EYA4: variants seen among roughly 807,000 people sequenced by gnomAD.
EYA4 encodes the protein protein phosphatase EYA4.
In EYA4, 31 loss-of-function variants were observed where a neutral mutation model predicts 87.9. The observed-to-expected ratio is 0.35, with a 90% confidence interval of 0.27 to 0.48. EYA4 has a LOEUF of 0.48. Ranked by LOEUF, EYA4 falls within the 20% of genes least tolerant of loss-of-function variation. The pLI is 0.99. For missense variants in EYA4, 678 were observed against 761.4 expected (o/e 0.89, Z 1.29); for synonymous variants, 263 against 270.6 (o/e 0.97, Z 0.28).
intron 2 of EYA4, among the ~76,000 whole-genome samples, chr6:133,374,890 A>AT (rs968036264): frequency 6.6e-6 from 1 of 152,056 alleles, no homozygotes; most frequent in Admixed American, 6.6e-5. Flanking sequence ...TAATAATTGG[A>AT]TTTTTAGAAA....
intron 13 of EYA4, among the ~76,000 whole-genome samples, chr6:133,486,694 T>G (rs1396792681): frequency 1.3e-5 from 2 of 151,538 alleles, no homozygotes; most frequent in Non-Finnish European, 2.9e-5. Context: ...ATTAAGAGAG[T>G]GGGAGAATTG....
chr6:133,384,189 G>A (rs1336425472), intron 3 of EYA4, among the ~76,000 whole-genome samples: 1 of 152,168 alleles, frequency 6.6e-6, no homozygotes, highest in Non-Finnish European at 1.5e-5. Context: ...GTATCAGTAA[G>A]TTGGAGAAGA....
At chr6:133,444,461 CAGG>C (rs1220616902) in intron 3 of EYA4, among the ~76,000 whole-genome samples, 1 of 152,098 alleles carries the variant, frequency 6.6e-6, no homozygotes, top group Admixed American at 6.5e-5. Context: ...ATATTTCCTG[CAGG>C]AGTTTATTTG....
At chr6:133,369,081 C>G (rs1017424241) in intron 2 of EYA4, among the ~76,000 whole-genome samples, 1 of 152,116 alleles carries the variant, frequency 6.6e-6, no homozygotes, top group African/African-American at 2.4e-5. Context: ...AAATGCTACA[C>G]TGAAATACTG....
chr6:133,343,992 G>T (rs1160339629), intron 2 of EYA4, among the ~76,000 whole-genome samples: 1 of 152,046 alleles, frequency 6.6e-6, no homozygotes. Flanking sequence ...ATTCATTATT[G>T]AGGAAATCAT....
At chr6:133,248,832 A>C (rs957890133) in intron 1 of EYA4, 1 of 151,744 alleles carries the variant, frequency 6.6e-6, no homozygotes, top group Non-Finnish European at 1.5e-5. Flanking sequence ...GCAAACCTCA[A>C]TAAACCTGTC....
intron 3 of EYA4, among the ~76,000 whole-genome samples, chr6:133,399,737 A>AT (rs1320480886): frequency 6.6e-6 from 1 of 152,104 alleles, no homozygotes; most frequent in Non-Finnish European, 1.5e-5. Context: ...TGTTAACAGC[A>AT]TTTTTTCTCC....
intron 3 of EYA4, among the ~76,000 whole-genome samples, chr6:133,428,908 C>CTTTTTTTTTTTTTTTT (rs1175553657): frequency 3.0e-5 from 1 of 33,496 alleles, no homozygotes; most frequent in South Asian, 1.3e-3. Context: ...GTAGATTTAG[C>CTTTTTTTTTTTTTTTT]TTCTTTTTTT....
At chr6:133,516,743 A>G (rs1168364095) in intron 17 of EYA4, among the ~76,000 whole-genome samples, 1 of 151,602 alleles carries the variant, frequency 6.6e-6, no homozygotes, top group Non-Finnish European at 1.5e-5. Flanking sequence ...AAAAGTAAAG[A>G]AAAGATTAAT....
intron 2 of EYA4, among the ~76,000 whole-genome samples, chr6:133,348,363 T>G (rs1783371928): frequency 7.6e-6 from 1 of 131,228 alleles, no homozygotes; most frequent in South Asian, 2.6e-4. Flanking sequence ...AACCTCCACC[T>G]CCCGGGTTCA....
intron 14 of EYA4, among the ~76,000 whole-genome samples, chr6:133,509,874 A>G (rs1201991591): frequency 6.6e-6 from 1 of 152,194 alleles, no homozygotes; most frequent in Non-Finnish European, 1.5e-5. Flanking sequence ...GATTCTTACA[A>G]AGTTTCTCAG....
rs1255056755 is a variant in EYA4, at chr6:133,528,846, T to C, written c.*41T>C. The C allele has an allele frequency of 8.1e-6, 13 of 1,611,478 alleles. No individual in the cohort carries two copies. The highest frequency in any genetic ancestry group is 1.1e-5 in the South Asian group (1 of 91,028). ...GGAGATCCATTTTTTATATTTCAAGTACACTGAATTTTTATGTGTGATTCA... is the reference window on the plus strand; with the variant it reads ...GGAGATCCATTTTTTATATTTCAAGCACACTGAATTTTTATGTGTGATTCA... On this transcript the variant is annotated 3_prime_UTR_variant, in exon 20 of 20. Coordinates refer to ENST00000355286, the MANE Select transcript of EYA4 (RefSeq NM_004100.5).
At chr6:133,296,446 G>A (rs1778951909) in intron 2 of EYA4, among the ~76,000 whole-genome samples, 1 of 152,204 alleles carries the variant, frequency 6.6e-6, no homozygotes. Context: ...GGCTGTTGCA[G>A]TAGTTCAGGC....
chr6:133,441,663 G>A (rs1253763595), intron 3 of EYA4, among the ~76,000 whole-genome samples: 1 of 152,084 alleles, frequency 6.6e-6, no homozygotes, highest in African/African-American at 2.4e-5. Context: ...GAAAAAAATG[G>A]TTATCCAGGG....
At position 133,401,345 on chromosome 6, in the gene EYA4, G is replaced by T. The variant is rs1479136219; in HGVS notation, c.83+18904G>T. Among the ~76,000 whole-genome samples, 5 of 151,702 alleles carry T rather than the reference G, an allele frequency of 3.3e-5. No individual in the cohort carries two copies. In the East Asian group the frequency reaches 9.8e-4, roughly 30 times the overall value. On this transcript the variant is annotated intron_variant, in intron 3 of 19. Transcript: ENST00000355286. Reference sequence around the variant, plus strand: ...CTGGTGTTCAACACGTCAGTAGGGTGAGTATAGTTAATATTAATCTATTGT... The same window carrying T: ...CTGGTGTTCAACACGTCAGTAGGGTTAGTATAGTTAATATTAATCTATTGT...
intron 3 of EYA4, among the ~76,000 whole-genome samples, chr6:133,436,679 GT>G (rs953223360): frequency 7.2e-4 from 109 of 152,290 alleles, no homozygotes; most frequent in African/African-American, 2.5e-3. Flanking sequence ...CATTCTGATG[GT>G]CAAATGCAAA....
At chr6:133,369,708 G>A (rs1217326486) in intron 2 of EYA4, among the ~76,000 whole-genome samples, 1 of 152,186 alleles carries the variant, frequency 6.6e-6, no homozygotes, top group African/African-American at 2.4e-5. Flanking sequence ...TTGCCATAAA[G>A]TGTTTCTCCT....
chr6:133,490,095 C>T (rs1477873525), intron 13 of EYA4, among the ~76,000 whole-genome samples: 2 of 152,112 alleles, frequency 1.3e-5, no homozygotes, highest in East Asian at 1.9e-4. Context: ...ATCAGTGTTA[C>T]ATTGCCATCA....
At chr6:133,337,737 A>G (rs1782482326) in intron 2 of EYA4, among the ~76,000 whole-genome samples, 1 of 152,162 alleles carries the variant, frequency 6.6e-6, no homozygotes, top group Non-Finnish European at 1.5e-5. Flanking sequence ...GCAACGTTGT[A>G]AAAAACACTT....
Sources: gnomAD v4.1 joint callset for allele counts (sites outside exome capture counted in the v4.1 genomes callset) on GRCh38, gnomAD v4.1.1 for gene constraint, MANE v1.5 for transcripts, NCBI Gene and HGNC (gene_info 2026-07-23, HGNC 2026-07-21) for gene names.